IFIT1B: variants seen among roughly 807,000 people sequenced by gnomAD.
IFIT1B encodes protein IFIT1 homolog B.
A neutral mutation model predicts 2.5 loss-of-function variants in IFIT1B; 3 were observed. The observed-to-expected ratio is 1.21, with a 90% CI of 0.55 to 3.14. IFIT1B has a LOEUF of 3.14. IFIT1B is among the 30% of genes most tolerant of loss of function. The pLI, the probability that IFIT1B is intolerant of heterozygous loss-of-function variation, is 0.03. For synonymous variants in IFIT1B, 196 were observed against 203.0 expected (o/e 0.97, Z 0.29); for missense variants, 545 against 556.5 (o/e 0.98, Z 0.21).
intron 1 of IFIT1B, among the ~76,000 whole-genome samples, chr10:89,378,556 C>A (rs1444133062): frequency 1.3e-5 from 2 of 152,132 alleles, no homozygotes; most frequent in African/African-American, 4.8e-5. Flanking sequence ...ACAGTGGGAG[C>A]TTAGGAATTA....
At chr10:89,379,962 G>A (rs925960307) in intron 1 of IFIT1B, among the ~76,000 whole-genome samples, 1 of 151,842 alleles carries the variant, frequency 6.6e-6, no homozygotes, top group Non-Finnish European at 1.5e-5. Flanking sequence ...GTGAACCTGG[G>A]AGGCGGAGCT....
At chr10:89,381,199 G>A (rs1422016750) in intron 1 of IFIT1B, among the ~76,000 whole-genome samples, 1 of 152,188 alleles carries the variant, frequency 6.6e-6, no homozygotes, top group South Asian at 2.1e-4. Flanking sequence ...CAGCTCTAGA[G>A]TAATGGAAGT....
At chr10:89,382,803 A>T (rs1844173264) in intron 1 of IFIT1B, among the ~76,000 whole-genome samples, 1 of 152,272 alleles carries the variant, frequency 6.6e-6, no homozygotes, top group South Asian at 2.1e-4. Flanking sequence ...TGGCTTGAGC[A>T]TTCATGAAGT....
Position 89,383,830 on chromosome 10 carries a change from G to A in IFIT1B, c.517G>A (p.Glu173Lys), listed in dbSNP as rs373013476. Residue 173 changes from glutamate (E) to lysine (K), a missense_variant, in exon 2 of 2, where the codon GAA becomes AAA. Transcript: ENST00000371809. ...TGAAAAGGCTCTGGAAGGGAACCCT[G>A]AAAACCCTGAATTCAATACTGGGTA... is the stretch of plus-strand genomic sequence containing the variant. The part of the protein sequence containing the change: ...CFEKALEGNP[E>K]NPEFNTGYAI... The A allele has an allele frequency of 6.8e-6, 11 of 1,614,092 alleles. No individual in the cohort carries two copies. The highest frequency in any genetic ancestry group is 1.3e-5 in the African/African-American group (1 of 74,916).
At chr10:89,382,929 A>T (rs901996660) in intron 1 of IFIT1B, among the ~76,000 whole-genome samples, 1 of 152,206 alleles carries the variant, frequency 6.6e-6, no homozygotes, top group African/African-American at 2.4e-5. Flanking sequence ...TAAGGAACCC[A>T]CCTTTCTGTG....
In IFIT1B at chr10:89,384,605, A is replaced by G; in HGVS notation, c.1292A>G (p.His431Arg). 6.2e-7 allele frequency: 1 copy of G among 1,614,212 alleles called. No homozygotes were observed. The highest frequency in any genetic ancestry group is 8.5e-7 in the Non-Finnish European group (1 of 1,180,030). The change falls in exon 2 of 2, where the codon CAC becomes CGC. Residue 431 changes from histidine to arginine, a missense_variant. By Grantham distance (29) the His-to-Arg change is conservative. Transcript: ENST00000371809. ...GAGAAATTGGCTAAAAGATGTATTC[A>G]CCAGAATGTACGGGTTGTGGAAAGT... Reference protein sequence around the residue: ...ALEKLAKRCIHQNVRVVESVS... With the variant: ...ALEKLAKRCIRQNVRVVESVS...
At position 89,384,811 on chromosome 10, in the gene IFIT1B, C is replaced by A; in HGVS notation, c.*73C>A. On this transcript the variant is annotated 3_prime_UTR_variant, in exon 2 of 2. Transcript: ENST00000371809. Reference sequence around the variant, plus strand: ...TGACTATGAAATTAAATAATGCAAACTTAAAGCTGTTGGAAATTTACCTTA... The same window carrying A: ...TGACTATGAAATTAAATAATGCAAAATTAAAGCTGTTGGAAATTTACCTTA... 1 of 1,316,190 alleles carries A rather than the reference C, an allele frequency of 7.6e-7. No homozygotes were observed. The highest frequency in any genetic ancestry group is 1.0e-6 in the Non-Finnish European group (1 of 952,962). 81.5% of individuals were successfully genotyped at this position (1,316,190 alleles called of 1,614,324 possible).
At position 89,384,154 on chromosome 10, in the gene IFIT1B, A is replaced by ACACC; in HGVS notation, c.845_848dup (p.Ser284HisfsTer29). 6.2e-7 allele frequency: 1 copy of ACACC among 1,614,232 alleles called. No individual in the cohort carries two copies. Among genetic ancestry groups the ACACC allele is most frequent in the Non-Finnish European group, 8.5e-7 (1 of 1,180,046 alleles). On this transcript the variant is annotated frameshift_variant, in exon 2 of 2. Coordinates refer to ENST00000371809, the MANE Select transcript of IFIT1B (RefSeq NM_001010987.2). LOFTEE classifies it low-confidence loss of function (END_TRUNC). ...GCTCTTAAAAATGGCCTTGGAGACA[A>ACACC]CACCCACTTCTGCCTTCCTGCATCA...
intron 1 of IFIT1B, 132 bp from the exon 2 acceptor site, chr10:89,383,187 C>T: frequency 1.3e-6 from 1 of 773,308 alleles, no homozygotes; most frequent in Non-Finnish European, 2.1e-6. Flanking sequence ...GACTGTAGAA[C>T]CCAGAGGGGC....
chr10:89,381,541 C>G (rs914271423), intron 1 of IFIT1B, among the ~76,000 whole-genome samples: 3 of 152,110 alleles, frequency 2.0e-5, no homozygotes, highest in Admixed American at 6.6e-5. Context: ...CTCTCATATT[C>G]CACAGACTCA....
Position 89,383,691 on chromosome 10 carries a change from G to T in IFIT1B, c.378G>T (p.Lys126Asn). ...TYLDKVENTC[K>N]KFANPSRYRM... The stretch of plus-strand genomic sequence containing the variant: ...TGGACAAGGTGGAGAACACTTGCAA[G>T]AAGTTTGCAAATCCTTCCCGCTATA... Residue 126 changes from lysine (K) to asparagine (N), a missense_variant, in exon 2 of 2, where the codon AAG (lysine) becomes AAT (asparagine). Lys to Asn is a moderately conservative substitution (Grantham distance 94). Transcript: ENST00000371809. 3.7e-6 allele frequency: 6 copies of T among 1,614,242 alleles called. No individual in the cohort carries two copies. Among genetic ancestry groups the T allele is most frequent in the Non-Finnish European group, 2.5e-6 (3 of 1,180,042 alleles).
In IFIT1B at chr10:89,383,629, T is replaced by C. The variant is rs745323238; in HGVS notation, c.316T>C (p.Tyr106His). The change falls in exon 2 of 2, where the codon TAC becomes CAC. Residue 106 changes from tyrosine (Y) to histidine (H), a missense_variant. By Grantham distance (83) the Tyr-to-His change is moderately conservative. Transcript: ENST00000371809. ...VTWGNFAWVY[Y>H]HMGRLAEAQT... ...CTGGGGCAACTTTGCCTGGGTGTATTACCACATGGGCAGATTGGCAGAAGC... is the reference window on the plus strand; with the variant it reads ...CTGGGGCAACTTTGCCTGGGTGTATCACCACATGGGCAGATTGGCAGAAGC... 2 of 1,614,210 alleles carry C rather than the reference T, an allele frequency of 1.2e-6. No individual in the cohort carries two copies. Among genetic ancestry groups the C allele is most frequent in the South Asian group, 1.1e-5 (1 of 91,084 alleles).
chr10:89,382,215 A>G (rs1844168704), intron 1 of IFIT1B, among the ~76,000 whole-genome samples: 1 of 152,212 alleles, frequency 6.6e-6, no homozygotes, highest in South Asian at 2.1e-4. Context: ...ATTGCCATAT[A>G]GAGAGTAAGA....
At chr10:89,379,812 A>G (rs1844149086) in intron 1 of IFIT1B, among the ~76,000 whole-genome samples, 1 of 152,140 alleles carries the variant, frequency 6.6e-6, no homozygotes, top group Non-Finnish European at 1.5e-5. Flanking sequence ...AGATGGGCAG[A>G]TCACGAGGTC....
chr10:89,379,539 A>G (rs1196176366), intron 1 of IFIT1B, among the ~76,000 whole-genome samples: 1 of 152,148 alleles, frequency 6.6e-6, no homozygotes, highest in Non-Finnish European at 1.5e-5. Context: ...AAGTATTCTG[A>G]CCTGCTAGAG....
rs777595584 is a variant in IFIT1B, at chr10:89,383,338, C to T, written c.25C>T (p.Leu9Phe). The T allele has an allele frequency of 1.2e-6, 2 of 1,613,046 alleles. No individual in the cohort carries two copies. The highest frequency in any genetic ancestry group is 1.1e-5 in the South Asian group (1 of 91,012). Residue 9 changes from leucine (L) to phenylalanine (F), a missense_variant, in exon 2 of 2, where the codon CTT (leucine) becomes TTT (phenylalanine). Transcript: ENST00000371809. MSEESDGKLIEDSLIQLRC... is the reference protein window; with the variant it reads MSEESDGKFIEDSLIQLRC... ...TTACAGTGAAGAATCTGATGGAAAG[C>T]TTATTGAAGACAGCCTGATTCAGCT...
chr10:89,382,915 T>C lies in IFIT1B; in HGVS notation c.6-404T>C, dbSNP rs186333677. Among the ~76,000 whole-genome samples the C allele has an allele frequency of 1.3e-3, 199 of 152,346 alleles. 3 individuals are homozygous for C. Among genetic ancestry groups the C allele is most frequent in the African/African-American group, 4.5e-3 (188 of 41,586 alleles). Reference sequence around the variant, plus strand: ...TTACGTGTTGAGAACATGAAAAAGATGAGTAAGGAACCCACCTTTCTGTGA... The same window carrying C: ...TTACGTGTTGAGAACATGAAAAAGACGAGTAAGGAACCCACCTTTCTGTGA... On this transcript the variant is annotated intron_variant, in intron 1 of 1. Coordinates refer to ENST00000371809, the MANE Select transcript of IFIT1B (RefSeq NM_001010987.2).
rs142531389 is a variant in IFIT1B, at chr10:89,383,947, C to T, written c.634C>T (p.Leu212=). The T allele has an allele frequency of 3.7e-6, 6 of 1,614,154 alleles. No individual in the cohort carries two copies. In the East Asian group the frequency reaches 1.3e-4, roughly 36 times the overall value. ...GCACGTCCTAAAACGAGCTGTCAGGCTAAATCCAGATGATGTATATATTAG... is the reference window on the plus strand; with the variant it reads ...GCACGTCCTAAAACGAGCTGTCAGGTTAAATCCAGATGATGTATATATTAG... ...SLHVLKRAVR[L]NPDDVYIRVL... is the part of the protein sequence containing the mutation. The change falls in exon 2 of 2, where the codon CTA becomes TTA. Residue 212 remains leucine (L), a synonymous_variant. Transcript: ENST00000371809.
At chr10:89,380,291 T>C (rs1844153596) in intron 1 of IFIT1B, among the ~76,000 whole-genome samples, 2 of 152,114 alleles carry the variant, frequency 1.3e-5, no homozygotes, top group South Asian at 4.1e-4. Context: ...AGCTCCTCCT[T>C]CCATTCATGC....
Sources: gnomAD v4.1 joint callset for allele counts (sites outside exome capture counted in the v4.1 genomes callset) on GRCh38, gnomAD v4.1.1 for gene constraint, MANE v1.5 for transcripts, NCBI Gene and HGNC (gene_info 2026-07-23, HGNC 2026-07-21) for gene names.